MYL4: variants seen among roughly 807,000 people sequenced by gnomAD.
The protein encoded by MYL4 is atrial myosin light chain 1.
Under a neutral mutation model 21.6 loss-of-function variants are expected in MYL4, and 16 were observed. The observed-to-expected ratio is 0.74, with a 90% confidence interval of 0.50 to 1.12. The LOEUF (loss-of-function observed/expected upper bound fraction) is 1.12, where lower values mean the gene tolerates loss of function less well. Ranked by LOEUF, MYL4 falls within the 50% of genes most tolerant of loss-of-function variation. The probability of loss-of-function intolerance (pLI) is 0.00; values close to 1 mark genes in which losing one functional copy is unlikely to be tolerated. For synonymous variants in MYL4, 82 were observed against 95.7 expected, an observed-to-expected ratio of 0.86 and a Z score of 0.83; for missense variants, 249 against 252.9, an observed-to-expected ratio of 0.98 and a Z score of 0.11.
intron 4 of MYL4, 163 bp from the exon 5 acceptor site, chr17:47,222,217 C>T (rs867631193): frequency 1.4e-6 from 1 of 698,374 alleles, no homozygotes; most frequent in East Asian, 2.7e-5. Context: ...GACCTTTAGA[C>T]CCTTGGCCGC....
chr17:47,202,876 A>G lies in MYL4; in HGVS notation c.-35+2290A>G, dbSNP rs117415224. Among the ~76,000 whole-genome samples the G allele has an allele frequency of 5.3e-4, 80 of 152,330 alleles. 1 individual carries two copies. The East Asian group carries it at 0.015, about 28-fold the overall frequency. ...TTGATTTGTATTGTGAAAGGTTTCA[A>G]TTTGAGCATAAATTCCTTCACCTAT... On this transcript the variant is annotated intron_variant and NMD_transcript_variant, in intron 1 of 6. Coordinates refer to the MYL4 transcript ENST00000571981.
At chr17:47,195,689 C>A (rs1245559047), upstream of MYL4, among the ~76,000 whole-genome samples, 1 of 152,226 alleles carries the variant, frequency 6.6e-6, no homozygotes, top group African/African-American at 2.4e-5. Flanking sequence ...CTTAATTCCA[C>A]TCTTCATCTT....
chr17:47,208,420 C>T (rs759645230), upstream of MYL4, among the ~76,000 whole-genome samples: 30 of 152,048 alleles, frequency 2.0e-4, no homozygotes, highest in East Asian at 2.1e-3. Context: ...AGCAACAGAG[C>T]GATACCTTGT....
chr17:47,198,356 G>A (rs73319528), upstream of MYL4, among the ~76,000 whole-genome samples: 2,459 of 152,132 alleles, frequency 0.016, 54 homozygotes, highest in African/African-American at 0.056. Flanking sequence ...CTTAGTGGCT[G>A]TCATCTCTTT....
chr17:47,219,794 TA>T (rs1309155831), intron 2 of MYL4, 109 bp from the exon 3 acceptor site: 8 of 1,339,212 alleles, frequency 6.0e-6, no homozygotes, highest in Non-Finnish European at 7.5e-6. Flanking sequence ...AATATTGGGA[TA>T]TTTTAACAAC....
the MYL4 span, among the ~76,000 whole-genome samples, chr17:47,195,031 G>A: frequency 6.7e-6 from 1 of 150,212 alleles, no homozygotes; most frequent in African/African-American, 2.5e-5. Context: ...GTGAGCCACG[G>A]TGCCCAGCCC....
At chr17:47,197,596 C>G (rs988918889), upstream of MYL4, among the ~76,000 whole-genome samples, 1 of 152,126 alleles carries the variant, frequency 6.6e-6, no homozygotes, top group Non-Finnish European at 1.5e-5. Context: ...GGTGTAGAAG[C>G]AATGTGCAGT....
rs1445240957 is a variant in MYL4 at position 47,220,013 on chromosome 17, T to C, written c.273T>C (p.Asn91=). The C allele has an allele frequency of 6.2e-7, 1 of 1,614,020 alleles. No individual in the cohort carries two copies. The highest frequency in any genetic ancestry group is 8.5e-7 in the Non-Finnish European group (1 of 1,179,996). Residue 91 remains asparagine (N), a synonymous_variant, in exon 3 of 7, where the codon AAT becomes AAC. Transcript: ENST00000393450. ...VLRALGQNPT[N]AEVLRVLGKP... is the part of the protein sequence containing the mutation. ...GGGCCCTGGGCCAGAACCCTACCAA[T>C]GCCGAGGTGCTGCGTGTGCTGGGCA...
At chr17:47,221,185 A>C (rs535836942) in intron 3 of MYL4, among the ~76,000 whole-genome samples, 1 of 152,218 alleles carries the variant, frequency 6.6e-6, no homozygotes, top group Non-Finnish European at 1.5e-5. Context: ...AGAATTATTG[A>C]TTCAGAGTAG....
rs143062804 is a variant in MYL4 at position 47,219,971 on chromosome 17, G to C, written c.231G>C (p.Gln77His). The change falls in exon 3 of 7, where the codon CAG becomes CAC. Residue 77 changes from glutamine (Q) to histidine (H), a missense_variant. By Grantham distance (24) the Gln-to-His change is conservative. Transcript: ENST00000393450. Reference protein sequence around the residue: ...PTGEMKITYGQCGDVLRALGQ... With the variant: ...PTGEMKITYGHCGDVLRALGQ... ...GAGAGATGAAGATCACCTACGGCCA[G>C]TGCGGGGATGTACTGCGGGCCCTGG... The C allele has an allele frequency of 6.2e-7, 1 of 1,614,206 alleles. No homozygotes were observed. Among genetic ancestry groups the C allele is most frequent in the African/African-American group, 1.3e-5 (1 of 75,056 alleles).
intron 1 of MYL4, among the ~76,000 whole-genome samples, chr17:47,212,790 T>C (rs116402237): frequency 0.016 from 2,369 of 152,338 alleles, 55 homozygotes; most frequent in African/African-American, 0.054. Context: ...TTATCTCTTA[T>C]TTTCCTGATT....
chr17:47,189,550 A>C, the MYL4 span: 1 of 324,478 alleles, frequency 3.1e-6, no homozygotes, highest in East Asian at 6.7e-5. Context: ...GCTACGCCAA[A>C]TCTGCAACCA....
chr17:47,217,455 C>T (rs1288465423), intron 2 of MYL4, among the ~76,000 whole-genome samples: 2 of 149,934 alleles, frequency 1.3e-5, no homozygotes, highest in Admixed American at 6.6e-5. Flanking sequence ...AAGACTTTGT[C>T]TCCAAAAAAA....
At chr17:47,211,754 C>T (rs932368153) in intron 1 of MYL4, among the ~76,000 whole-genome samples, 4 of 151,972 alleles carry the variant, frequency 2.6e-5, no homozygotes, top group South Asian at 4.2e-4. Context: ...GGTCAGTTCT[C>T]GGAGATGAGA....
chr17:47,191,678 C>G, the MYL4 span, among the ~76,000 whole-genome samples: 1 of 152,134 alleles, frequency 6.6e-6, no homozygotes, highest in Non-Finnish European at 1.5e-5. Context: ...ACCATGTTGG[C>G]CAGGCTGGTC....
intron 1 of MYL4, among the ~76,000 whole-genome samples, chr17:47,202,526 CA>C (rs1425953232): frequency 6.6e-6 from 1 of 152,184 alleles, no homozygotes; most frequent in Admixed American, 6.5e-5. Flanking sequence ...AAAACTACTT[CA>C]TATTAGTCAT....
rs144572995 is a variant in MYL4, at chr17:47,200,823, T to C, written c.-35+237T>C. Among the ~76,000 whole-genome samples the C allele has an allele frequency of 2.4e-3, 367 of 152,298 alleles. 1 individual carries two copies. The highest frequency in any genetic ancestry group is 4.2e-3 in the Non-Finnish European group (283 of 68,026). ...AACAATTGAGTGATGAGGCTGAACA[T>C]ATAGCATTCTCCACCTATGCTAAAG... On this transcript the variant is annotated intron_variant and NMD_transcript_variant, in intron 1 of 6. Transcript: ENST00000571981.
chr17:47,190,232 A>C, the MYL4 span, among the ~76,000 whole-genome samples: 1 of 152,204 alleles, frequency 6.6e-6, no homozygotes, highest in East Asian at 1.9e-4. Flanking sequence ...TATCTTTAGC[A>C]CTAACTAGTC....
the MYL4 span, among the ~76,000 whole-genome samples, chr17:47,189,975 G>GA: frequency 6.6e-5 from 10 of 151,734 alleles, no homozygotes; most frequent in African/African-American, 2.2e-4. Flanking sequence ...TCTATGGAAG[G>GA]AAAAAAAAGT....
Sources: gnomAD v4.1 joint callset for allele counts (sites outside exome capture counted in the v4.1 genomes callset) on GRCh38, gnomAD v4.1.1 for gene constraint, MANE v1.5 for transcripts, NCBI Gene and HGNC (gene_info 2026-07-23, HGNC 2026-07-21) for gene names.